LARS2: variants seen among roughly 807,000 people sequenced by gnomAD.
LARS2 encodes leucyl-tRNA synthetase 2, mitochondrial, also known as leucine--tRNA ligase, mitochondrial.
Under a neutral mutation model 116.6 loss-of-function variants are expected in LARS2, and 81 were observed. That is an observed-to-expected ratio of 0.69 (90% CI 0.58 to 0.84). The LOEUF (loss-of-function observed/expected upper bound fraction) is 0.84. LARS2 is among the 40% of genes least tolerant of loss of function. The pLI is 0.00. For synonymous variants in LARS2, 396 were observed against 407.2 expected (o/e 0.97, Z 0.33); for missense variants, 968 against 1,114.5 (o/e 0.87, Z 1.87).
intron 21 of LARS2, among the ~76,000 whole-genome samples, chr3:45,547,107 G>T (rs1323659766): frequency 6.6e-6 from 1 of 152,206 alleles, no homozygotes; most frequent in South Asian, 2.1e-4. Context: ...CTCACTCCAC[G>T]TACGGGCACT....
intron 6 of LARS2, among the ~76,000 whole-genome samples, chr3:45,432,024 T>C (rs1468550248): frequency 6.6e-6 from 1 of 152,122 alleles, no homozygotes; most frequent in African/African-American, 2.4e-5. Flanking sequence ...GCTGTAGTGA[T>C]CAGACAAAAT....
At position 45,524,410 on chromosome 3, in the gene LARS2, C is replaced by T. The variant is rs141070578; in HGVS notation, c.2404+302C>T. Among the ~76,000 whole-genome samples, 185 of 152,232 alleles carry T rather than the reference C, an allele frequency of 1.2e-3. 1 individual carries two copies. The Middle Eastern group carries it at 0.014, about 11-fold the overall frequency. On this transcript the variant is annotated intron_variant, in intron 20 of 21. Coordinates refer to ENST00000645846, the MANE Select transcript of LARS2 (RefSeq NM_015340.4). ...CCCAGTATCCACATATTATGACCTG[C>T]GTGGTCTTTTTAAGATAAAAACTCA...
At position 45,509,028 on chromosome 3, in the gene LARS2, T is replaced by C. The variant is rs945119908; in HGVS notation, c.1761-4107T>C. ...AATTGTGAAGATCTCCCCCCAGTTT[T>C]CATCACTGTGCTTACATATAGCTGT... On this transcript the variant is annotated intron_variant, in intron 15 of 21. Transcript: ENST00000645846. 4.6e-5 allele frequency among the ~76,000 whole-genome samples: 7 copies of C among 151,764 alleles called. 1 individual carries two copies. The highest frequency in any genetic ancestry group is 2.6e-4 in the Admixed American group (4 of 15,218).
intron 21 of LARS2, among the ~76,000 whole-genome samples, chr3:45,544,847 G>A (rs1700852905): frequency 6.6e-6 from 1 of 152,186 alleles, no homozygotes; most frequent in Admixed American, 6.5e-5. Flanking sequence ...AGAGAAGGGT[G>A]TCGCAATACC....
chr3:45,419,293 CT>C, intron 5 of LARS2, among the ~76,000 whole-genome samples: 1 of 152,288 alleles, frequency 6.6e-6, no homozygotes, highest in South Asian at 2.1e-4. Context: ...TTTTCAGCCA[CT>C]TTTAAGCTTA....
At chr3:45,484,793 A>G (rs1458817567) in intron 10 of LARS2, among the ~76,000 whole-genome samples, 1 of 149,972 alleles carries the variant, frequency 6.7e-6, no homozygotes, top group Non-Finnish European at 1.5e-5. Flanking sequence ...AGCCAAATAC[A>G]TTTTCCTTTT....
At chr3:45,450,248 A>C (rs1325852538) in intron 7 of LARS2, among the ~76,000 whole-genome samples, 1 of 152,218 alleles carries the variant, frequency 6.6e-6, no homozygotes, top group Non-Finnish European at 1.5e-5. Context: ...TGTTGGAAAT[A>C]ATTACATTTC....
At chr3:45,527,909 T>C (rs1431438009) in intron 20 of LARS2, among the ~76,000 whole-genome samples, 4 of 152,204 alleles carry the variant, frequency 2.6e-5, no homozygotes, top group African/African-American at 9.7e-5. Flanking sequence ...AACTGGTGAA[T>C]TTCTTATAAC....
intron 8 of LARS2, among the ~76,000 whole-genome samples, chr3:45,467,968 T>C (rs1699455144): frequency 6.6e-6 from 1 of 151,924 alleles, no homozygotes; most frequent in Admixed American, 6.6e-5. Context: ...ACCTATAGTA[T>C]GCACCTACAG....
At chr3:45,547,309 A>T (rs1559503549) in intron 21 of LARS2, 42 bp from the exon 22 acceptor site, 1 of 1,556,626 alleles carries the variant, frequency 6.4e-7, no homozygotes, top group Non-Finnish European at 8.7e-7. Flanking sequence ...TGCCACTCTG[A>T]GGATGTTCCT....
chr3:45,514,453 GTGGGAGAAAAAGAAGC>G (rs1165472163), intron 16 of LARS2, among the ~76,000 whole-genome samples: 1 of 152,314 alleles, frequency 6.6e-6, no homozygotes, highest in East Asian at 1.9e-4. Context: ...ATAACGGTCC[GTGGGAGAAAAAGAAGC>G]TGGAGAAGCA....
In LARS2 at chr3:45,518,069, T is replaced by C. The variant is rs371382425; in HGVS notation, c.2211T>C (p.Ser737=). ...GGGAGTACAAGAACTCCGTCATCTC[T>C]CAGGTCAGAAACTCTCCAATTCCAG... ...KLWEYKNSVI[S]QVTTHFTEDF... is the part of the protein sequence containing the mutation. The change falls in exon 18 of 22, where the codon TCT becomes TCC. Residue 737 remains serine, a synonymous_variant. Transcript: ENST00000645846. 580 of 1,611,260 alleles carry C rather than the reference T, an allele frequency of 3.6e-4. No homozygotes were observed. The highest frequency in any genetic ancestry group is 4.4e-4 in the Non-Finnish European group (521 of 1,178,278).
At position 45,485,858 on chromosome 3, in the gene LARS2, C is replaced by A. The variant is rs1057031867; in HGVS notation, c.1123+62C>A. The A allele has an allele frequency of 4.1e-6, 4 of 965,702 alleles. No homozygotes were observed. In the African/African-American group the frequency reaches 6.4e-5, roughly 15 times the overall value. 59.8% of individuals were successfully genotyped at this position (965,702 alleles called of 1,614,324 possible). On this transcript the variant is annotated intron_variant, in intron 11 of 21. Transcript: ENST00000645846. The stretch of plus-strand genomic sequence containing the variant: ...TTTGCAGATTTAGAATCAAAATACT[C>A]CCCTGTTGCTGTCATCTGGAAGAGC...
intron 21 of LARS2, among the ~76,000 whole-genome samples, chr3:45,546,832 C>T (rs571455823): frequency 2.6e-5 from 4 of 152,272 alleles, no homozygotes; most frequent in South Asian, 4.1e-4. Flanking sequence ...CACACTAGAG[C>T]GCCCCCTTCT....
chr3:45,529,410 G>A (rs138646125), intron 20 of LARS2, among the ~76,000 whole-genome samples: 143 of 152,066 alleles, frequency 9.4e-4, no homozygotes, highest in African/African-American at 3.1e-3. Context: ...TTAGCCGGGC[G>A]TGGTGGCGCA....
chr3:45,489,445 C>T (rs892780519), intron 12 of LARS2, among the ~76,000 whole-genome samples: 10 of 151,766 alleles, frequency 6.6e-5, no homozygotes, highest in African/African-American at 2.4e-4. Context: ...GCCCCCACCC[C>T]CACCCCAGGG....
At chr3:45,479,091 G>A (rs1261807776) in intron 10 of LARS2, among the ~76,000 whole-genome samples, 1 of 152,046 alleles carries the variant, frequency 6.6e-6, no homozygotes, top group Admixed American at 6.5e-5. Context: ...ATCACTTGCA[G>A]GAGTTTCAAT....
At chr3:45,535,777 C>T (rs1700697049) in intron 20 of LARS2, among the ~76,000 whole-genome samples, 1 of 80,480 alleles carries the variant, frequency 1.2e-5, no homozygotes, top group Non-Finnish European at 3.1e-5. Context: ...CCCCCACACC[C>T]ACATACACAC....
chr3:45,395,711 A>G (rs1698032055), intron 3 of LARS2, among the ~76,000 whole-genome samples: 1 of 152,234 alleles, frequency 6.6e-6, no homozygotes, highest in Non-Finnish European at 1.5e-5. Flanking sequence ...CGGTCAACAC[A>G]TTCATTCTTT....
Sources: allele counts gnomAD v4.1 joint callset (sites outside exome capture counted in the v4.1 genomes callset), GRCh38; gene constraint gnomAD v4.1.1; transcripts MANE v1.5; gene names NCBI Gene and HGNC (gene_info 2026-07-23, HGNC 2026-07-21).